MYO3B: variants seen among roughly 807,000 people sequenced by gnomAD.
MYO3B encodes the protein myosin-IIIb.
Under a neutral mutation model 174.6 loss-of-function variants are expected in MYO3B, and 156 were observed. That is an observed-to-expected ratio of 0.89 (90% CI 0.78 to 1.02). The LOEUF is 1.02. MYO3B is among the 50% of genes least tolerant of loss of function. The pLI is 0.00. For synonymous variants in MYO3B, 563 were observed against 569.1 expected (o/e 0.99, Z 0.15); for missense variants, 1,632 against 1,639.4 (o/e 1.00, Z 0.08).
At chr2:170,293,250 C>T (rs928979812) in intron 7 of MYO3B, among the ~76,000 whole-genome samples, 2 of 152,160 alleles carry the variant, frequency 1.3e-5, no homozygotes, top group Admixed American at 1.3e-4. Context: ...AAAACTGGAA[C>T]TCTTCCAGTT....
chr2:170,312,873 G>C (rs187321460), intron 7 of MYO3B, among the ~76,000 whole-genome samples: 2 of 152,250 alleles, frequency 1.3e-5, no homozygotes, highest in East Asian at 1.9e-4. Flanking sequence ...GAGTTTCTTG[G>C]TGCCTTCTAT....
intron 30 of MYO3B, among the ~76,000 whole-genome samples, chr2:170,529,666 C>G (rs77030630): frequency 0.013 from 1,943 of 152,248 alleles, 40 homozygotes; most frequent in African/African-American, 0.044. Flanking sequence ...ATTATATTCC[C>G]GCTCAGAATG....
At chr2:170,547,179 AAAT>A (rs916246152) in intron 32 of MYO3B, among the ~76,000 whole-genome samples, 1 of 149,498 alleles carries the variant, frequency 6.7e-6, no homozygotes, top group African/African-American at 2.4e-5. Context: ...AAAAAAAAAA[AAAT>A]AGCCGGGCAT....
At chr2:170,275,600 C>T (rs1574699536) in intron 7 of MYO3B, among the ~76,000 whole-genome samples, 1 of 152,176 alleles carries the variant, frequency 6.6e-6, no homozygotes, top group Admixed American at 6.5e-5. Flanking sequence ...AATAAGTCTC[C>T]AGTACTTGTG....
chr2:170,509,946 A>G (rs986259261), intron 28 of MYO3B, among the ~76,000 whole-genome samples: 2 of 152,212 alleles, frequency 1.3e-5, no homozygotes, highest in Non-Finnish European at 2.9e-5. Flanking sequence ...CCGGGAGTTC[A>G]AACCTCAACA....
At position 170,653,027 on chromosome 2, in the gene MYO3B, T is replaced by TGTCA; in HGVS notation, c.3933_3936dup (p.Pro1313ValfsTer8). 6.2e-7 allele frequency: 1 copy of TGTCA among 1,614,144 alleles called. No individual in the cohort carries two copies. Among genetic ancestry groups the TGTCA allele is most frequent in the Non-Finnish European group, 8.5e-7 (1 of 1,179,944 alleles). On this transcript the variant is annotated frameshift_variant, in exon 35 of 35. Coordinates refer to ENST00000408978, the MANE Select transcript of MYO3B (RefSeq NM_138995.5). LOFTEE classifies it high-confidence loss of function. ...GGGGAAGATGAATATTACAAATCTC[T>TGTCA]GTCACCAGTGGACTGTATCCCTGAG...
rs199988113 is a variant in MYO3B, at chr2:170,538,972, C to CAA, written c.3576-3933_3576-3932dup. Among the ~76,000 whole-genome samples the CAA allele has an allele frequency of 3.8e-3, 572 of 152,282 alleles. 2 individuals are homozygous for CAA. The highest frequency in any genetic ancestry group is 0.013 in the African/African-American group (524 of 41,562). On this transcript the variant is annotated intron_variant, in intron 30 of 34. Transcript: ENST00000408978. The stretch of plus-strand genomic sequence containing the variant: ...AAAAATTTCCTGTGGATTCAGAAAA[C>CAA]AATATCACACTTCATAAATGAATTA...
chr2:170,423,496 T>A (rs1263299253), intron 22 of MYO3B, among the ~76,000 whole-genome samples: 2 of 152,174 alleles, frequency 1.3e-5, no homozygotes, highest in Non-Finnish European at 2.9e-5. Flanking sequence ...ATAAAATATT[T>A]ATTTTCTTGT....
At chr2:170,575,777 T>C (rs1483751096) in intron 32 of MYO3B, among the ~76,000 whole-genome samples, 1 of 152,212 alleles carries the variant, frequency 6.6e-6, no homozygotes, top group African/African-American at 2.4e-5. Context: ...ATACATATTC[T>C]ATACTTTAAA....
intron 30 of MYO3B, among the ~76,000 whole-genome samples, chr2:170,539,459 TACTG>T (rs1218841066): frequency 6.6e-6 from 1 of 152,204 alleles, no homozygotes; most frequent in Non-Finnish European, 1.5e-5. Flanking sequence ...CGGATTAAAA[TACTG>T]ACCTTCTGAT....
Position 170,211,009 on chromosome 2 carries a change from G to A in MYO3B, c.322-3370G>A, listed in dbSNP as rs534342924. On this transcript the variant is annotated intron_variant, in intron 3 of 34. Transcript: ENST00000408978. ...TGGGGCCCTTTAAGAGACAGGGCTA[G>A]GAAAACATGCAGCTTTTAAGGCCTA... is the stretch of plus-strand genomic sequence containing the variant. Among the ~76,000 whole-genome samples, 5 of 152,308 alleles carry A rather than the reference G, an allele frequency of 3.3e-5. No homozygotes were observed. The South Asian group carries it at 1.0e-3, about 32-fold the overall frequency.
At chr2:170,442,385 T>C (rs72878225) in intron 22 of MYO3B, among the ~76,000 whole-genome samples, 9,869 of 152,272 alleles carry the variant, frequency 0.065, 418 homozygotes, top group Non-Finnish European at 0.083. Flanking sequence ...GTTAAAGTTA[T>C]ATCATGTGCT....
chr2:170,392,683 A>AAATGCAG (rs1220950468), intron 16 of MYO3B, among the ~76,000 whole-genome samples, 188 bp downstream of exon 16: 1 of 152,194 alleles, frequency 6.6e-6, no homozygotes. Flanking sequence ...AACTTATTAG[A>AAATGCAG]AATGCAGACC....
intron 32 of MYO3B, among the ~76,000 whole-genome samples, chr2:170,613,573 A>C (rs535274198): frequency 2.6e-5 from 4 of 152,340 alleles, no homozygotes; most frequent in African/African-American, 9.6e-5. Context: ...GTGATGGTTA[A>C]TACTGAGTGT....
At chr2:170,637,428 C>T (rs1313111315) in intron 32 of MYO3B, among the ~76,000 whole-genome samples, 1 of 152,100 alleles carries the variant, frequency 6.6e-6, no homozygotes, top group Non-Finnish European at 1.5e-5. Flanking sequence ...CCCCCTCAGC[C>T]TCCCAAAGTG....
chr2:170,369,457 A>G, intron 9 of MYO3B, 80 bp downstream of exon 9: 1 of 1,444,316 alleles, frequency 6.9e-7, no homozygotes, highest in African/African-American at 1.4e-5. Context: ...GCCCAGCATT[A>G]TTACTGGTAG....
chr2:170,613,776 G>A (rs967181153), intron 32 of MYO3B, among the ~76,000 whole-genome samples: 3 of 152,096 alleles, frequency 2.0e-5, no homozygotes, highest in African/African-American at 4.8e-5. Context: ...AGGAAGAGAC[G>A]AGACAAGACG....
At chr2:170,622,677 C>T (rs1458998917) in intron 32 of MYO3B, among the ~76,000 whole-genome samples, 2 of 151,702 alleles carry the variant, frequency 1.3e-5, no homozygotes, top group Non-Finnish European at 2.9e-5. Flanking sequence ...CACCCATTAA[C>T]TCATCATTTA....
At chr2:170,626,649 T>G (rs574994276) in intron 32 of MYO3B, among the ~76,000 whole-genome samples, 2 of 152,184 alleles carry the variant, frequency 1.3e-5, no homozygotes, top group South Asian at 4.1e-4. Flanking sequence ...GGATAGATGG[T>G]CTTTACAATT....
Sources: allele counts gnomAD v4.1 joint callset (sites outside exome capture counted in the v4.1 genomes callset), GRCh38; gene constraint gnomAD v4.1.1; transcripts MANE v1.5; gene names NCBI Gene and HGNC (gene_info 2026-07-23, HGNC 2026-07-21).